Variants in RTKN2 observed in about 807,000 individuals in gnomAD.
RTKN2 encodes the protein rhotekin-2.
RTKN2 carries 69 observed loss-of-function variants against 71.5 expected under a neutral mutation model. The ratio of observed to expected loss-of-function variants is 0.96; its 90% CI spans 0.79 to 1.18. The LOEUF (loss-of-function observed/expected upper bound fraction) is 1.18, where lower values mean the gene tolerates loss of function less well. Among genes scored for constraint, RTKN2 ranks in the 50% most tolerant of loss-of-function variants. The pLI, the probability that RTKN2 is intolerant of heterozygous loss-of-function variation, is 0.00. For synonymous variants in RTKN2, 236 were observed against 236.5 expected (o/e 1.00, Z 0.02); for missense variants, 724 against 719.7 (o/e 1.01, Z -0.07).
chr10:62,222,420 AT>A (rs1182074632), intron 7 of RTKN2, among the ~76,000 whole-genome samples: 2 of 151,962 alleles, frequency 1.3e-5, no homozygotes, highest in Admixed American at 6.6e-5. Flanking sequence ...CCTCATAATT[AT>A]TTTTTAAACT....
At chr10:62,216,036 TC>T (rs1188076614) in intron 9 of RTKN2, among the ~76,000 whole-genome samples, 4 of 151,938 alleles carry the variant, frequency 2.6e-5, no homozygotes, top group Non-Finnish European at 4.4e-5. Context: ...ATAAAAGGTC[TC>T]ACTAAAAGAC....
At chr10:62,260,637 A>G (rs1022655226) in intron 2 of RTKN2, among the ~76,000 whole-genome samples, 8 of 152,144 alleles carry the variant, frequency 5.3e-5, no homozygotes, top group Non-Finnish European at 8.8e-5. Context: ...TAGGGATCCT[A>G]ATTTTTCCCC....
At chr10:62,234,493 T>G (rs201988106) in intron 6 of RTKN2, among the ~76,000 whole-genome samples, 1 of 41,362 alleles carries the variant, frequency 2.4e-5, no homozygotes, top group South Asian at 4.8e-4. Flanking sequence ...CAGACTTGTC[T>G]TAAAAAAAAA....
intron 2 of RTKN2, among the ~76,000 whole-genome samples, chr10:62,253,723 T>C (rs1362044966): frequency 2.0e-5 from 3 of 151,858 alleles, no homozygotes; most frequent in Non-Finnish European, 4.4e-5. Flanking sequence ...CAGAAAACAA[T>C]AAAAAATATA....
chr10:62,186,402 C>T (rs973530094), intron 8 of RTKN2, among the ~76,000 whole-genome samples: 1 of 152,106 alleles, frequency 6.6e-6, no homozygotes, highest in Admixed American at 6.5e-5. Flanking sequence ...AACCTTATCT[C>T]GTTTTGAAGA....
intron 4 of RTKN2, 125 bp downstream of exon 4, chr10:62,241,017 A>G: frequency 1.7e-6 from 1 of 588,568 alleles, no homozygotes; most frequent in East Asian, 3.0e-5. Flanking sequence ...AAACAGTTCA[A>G]GATGCTGCTT....
rs1392046700 is a variant in RTKN2, at chr10:62,194,941, G to A, written c.*2967C>T. 6.1e-6 allele frequency: 6 copies of A among 985,208 alleles called. No homozygotes were observed. The highest frequency in any genetic ancestry group is 7.2e-6 in the Non-Finnish European group (6 of 829,894). 61.0% of individuals were successfully genotyped at this position (985,208 alleles called of 1,614,324 possible). A position where few individuals can be genotyped will look rare whatever the true frequency, so the allele number is the denominator to read the frequency against. Reference sequence around the variant, plus strand: ...TCAGGGGGCACTGCAGACAGTTAAGGAGGATTTAACAAAACTCAGCAAGAG... The same window carrying A: ...TCAGGGGGCACTGCAGACAGTTAAGAAGGATTTAACAAAACTCAGCAAGAG... On this transcript the variant is annotated 3_prime_UTR_variant, in exon 12 of 12. Coordinates refer to ENST00000373789, the MANE Select transcript of RTKN2 (RefSeq NM_145307.4).
chr10:62,262,057 C>T (rs1260002338), intron 2 of RTKN2, among the ~76,000 whole-genome samples: 1 of 152,192 alleles, frequency 6.6e-6, no homozygotes, highest in East Asian at 1.9e-4. Context: ...TGACAGAACA[C>T]ATGAGCAGAA....
At position 62,195,284 on chromosome 10, in the gene RTKN2, A is replaced by C. The variant is rs1475515754; in HGVS notation, c.*2624T>G. 2.0e-6 allele frequency: 2 copies of C among 984,950 alleles called. No homozygotes were observed. The highest frequency in any genetic ancestry group is 2.4e-6 in the Non-Finnish European group (2 of 829,644). 61.0% of individuals were successfully genotyped at this position (984,950 alleles called of 1,614,324 possible). A position where few individuals can be genotyped will look rare whatever the true frequency, so the allele number is the denominator to read the frequency against. ...AAGTTTATAGTCTTCATATATCAAG[A>C]AACAAATTAAAAGGACAAACAAGGA... On this transcript the variant is annotated 3_prime_UTR_variant, in exon 12 of 12. Coordinates refer to ENST00000373789, the MANE Select transcript of RTKN2 (RefSeq NM_145307.4).
Position 62,193,865 on chromosome 10 carries a change from A to G in RTKN2, c.*4043T>C. On this transcript the variant is annotated 3_prime_UTR_variant, in exon 12 of 12. Transcript: ENST00000373789. ...AATGTTAATTATACCATGGCTTATC[A>G]GAATGTTAGTCTTATAATAATTAGC... The G allele has an allele frequency of 3.1e-6, 3 of 979,606 alleles. No individual in the cohort carries two copies. The highest frequency in any genetic ancestry group is 3.6e-6 in the Non-Finnish European group (3 of 824,648). 60.7% of individuals were successfully genotyped at this position (979,606 alleles called of 1,614,324 possible). A position where few individuals can be genotyped will look rare whatever the true frequency, so the allele number is the denominator to read the frequency against.
At chr10:62,235,202 T>C (rs1842230109) in intron 6 of RTKN2, among the ~76,000 whole-genome samples, 1 of 152,200 alleles carries the variant, frequency 6.6e-6, no homozygotes, top group Non-Finnish European at 1.5e-5. Flanking sequence ...TTGTAGACCT[T>C]GTTTGGATTC....
At chr10:62,224,699 T>C (rs1055883142) in intron 6 of RTKN2, among the ~76,000 whole-genome samples, 2 of 152,096 alleles carry the variant, frequency 1.3e-5, no homozygotes, top group African/African-American at 2.4e-5. Flanking sequence ...CTGTGGTAGG[T>C]AGGTGAACTG....
At chr10:62,217,679 A>T (rs1302261984) in intron 8 of RTKN2, among the ~76,000 whole-genome samples, 1 of 152,212 alleles carries the variant, frequency 6.6e-6, no homozygotes, top group East Asian at 1.9e-4. Flanking sequence ...ACTACCCTTT[A>T]AGAATGCAAA....
intron 10 of RTKN2, among the ~76,000 whole-genome samples, chr10:62,203,358 T>C (rs1841484941): frequency 6.6e-6 from 1 of 151,924 alleles, no homozygotes; most frequent in Non-Finnish European, 1.5e-5. Context: ...TTTTTTTTTT[T>C]TTAAAGACAA....
chr10:62,197,814 T>C lies in RTKN2; in HGVS notation c.*94A>G, dbSNP rs1841358667. The stretch of plus-strand genomic sequence containing the variant: ...TATTAATTATTGGTATAAATCACTA[T>C]ATTTACCTATATAATTACACATTAT... On this transcript the variant is annotated 3_prime_UTR_variant, in exon 12 of 12. Transcript: ENST00000373789. The C allele has an allele frequency of 6.9e-7, 1 of 1,446,984 alleles. No homozygotes were observed. The highest frequency in any genetic ancestry group is 9.1e-7 in the Non-Finnish European group (1 of 1,095,912). The allele number at this position is 1,446,984 out of a possible 1,614,324, so 89.6% of individuals were successfully genotyped here.
chr10:62,229,056 A>G (rs952272489), intron 6 of RTKN2, among the ~76,000 whole-genome samples: 4 of 152,238 alleles, frequency 2.6e-5, no homozygotes, highest in African/African-American at 4.8e-5. Flanking sequence ...GAGACCAGGA[A>G]GTATAACTGT....
At chr10:62,217,355 A>T (rs191500315) in intron 8 of RTKN2, 106 bp from the exon 9 acceptor site, 8,860 of 793,144 alleles carry the variant, frequency 0.011, 65 homozygotes, top group Non-Finnish European at 0.014. Flanking sequence ...TAGAATTTTT[A>T]AAATGTGATG....
rs1841367625 is a variant in RTKN2, at chr10:62,198,126, T to C, written c.1612A>G (p.Thr538Ala). Residue 538 changes from threonine (T) to alanine (A), a missense_variant, in exon 12 of 12, where the codon ACA becomes GCA. Transcript: ENST00000373789. ...GATAGTTTGGTATCCAAAGACGATG[T>C]CTGAGATACACTTGTTTTTCCCCAG... ...DNWGKTSVSQTSSLDTKLSTL... is the reference protein window; with the variant it reads ...DNWGKTSVSQASSLDTKLSTL... 2 of 1,614,196 alleles carry C rather than the reference T, an allele frequency of 1.2e-6. No individual in the cohort carries two copies. The highest frequency in any genetic ancestry group is 1.7e-6 in the Non-Finnish European group (2 of 1,180,016).
At chr10:62,241,297 A>G in intron 3 of RTKN2, 102 bp from the exon 4 acceptor site, 1 of 655,812 alleles carries the variant, frequency 1.5e-6, no homozygotes. Flanking sequence ...TGACTACTAT[A>G]GCTAAAATAA....
Sources: allele counts gnomAD v4.1 joint callset (sites outside exome capture counted in the v4.1 genomes callset), GRCh38; gene constraint gnomAD v4.1.1; transcripts MANE v1.5; gene names NCBI Gene and HGNC (gene_info 2026-07-23, HGNC 2026-07-21).